The following ITGA1 variants were observed in gnomAD, a reference collection of about 807,000 sequenced individuals.
ITGA1 encodes integrin alpha-1.
In ITGA1, 85 loss-of-function variants were observed where a neutral mutation model predicts 145.9. The observed-to-expected ratio is 0.58, with a 90% confidence interval of 0.49 to 0.70. ITGA1 has a LOEUF of 0.70. ITGA1 is among the 30% of genes least tolerant of loss of function. The pLI is 0.00. For missense variants in ITGA1, 1,351 were observed against 1,418.7 expected (o/e 0.95, Z 0.77); for synonymous variants, 520 against 495.3 (o/e 1.05, Z -0.66).
chr5:52,906,843 A>G (rs1356468370), intron 12 of ITGA1, among the ~76,000 whole-genome samples: 1 of 152,094 alleles, frequency 6.6e-6, no homozygotes, highest in Non-Finnish European at 1.5e-5. Flanking sequence ...GCAGCAGTAA[A>G]GCTCAGGTGC....
chr5:52,919,269 C>A (rs867527127), intron 16 of ITGA1, among the ~76,000 whole-genome samples: 1 of 152,146 alleles, frequency 6.6e-6, no homozygotes, highest in Non-Finnish European at 1.5e-5. Flanking sequence ...TACCATGACT[C>A]TTCTCTCCCT....
chr5:52,939,238 T>C (rs1392534480), intron 24 of ITGA1, among the ~76,000 whole-genome samples: 15 of 151,716 alleles, frequency 9.9e-5, no homozygotes, highest in African/African-American at 3.4e-4. Context: ...TTTAAATGCT[T>C]TTCTCTCTCT....
chr5:52,823,829 A>C (rs1399402513), intron 1 of ITGA1, among the ~76,000 whole-genome samples: 1 of 152,232 alleles, frequency 6.6e-6, no homozygotes, highest in African/African-American at 2.4e-5. Flanking sequence ...ATTTCTTTTC[A>C]ACTTCCTCTA....
chr5:52,913,052 A>G (rs1750592605), intron 14 of ITGA1, among the ~76,000 whole-genome samples: 1 of 151,788 alleles, frequency 6.6e-6, no homozygotes, highest in African/African-American at 2.4e-5. Context: ...GGCCGTAATT[A>G]CTTTATATTT....
intron 23 of ITGA1, among the ~76,000 whole-genome samples, chr5:52,935,774 C>CT (rs1750956907): frequency 6.6e-6 from 1 of 152,094 alleles, no homozygotes; most frequent in Non-Finnish European, 1.5e-5. Flanking sequence ...GGGTACAAAA[C>CT]TGTATTTTAT....
chr5:52,898,166 T>G, intron 10 of ITGA1, 73 bp from the exon 11 acceptor site: 1 of 966,638 alleles, frequency 1.0e-6, no homozygotes, highest in Non-Finnish European at 1.5e-6. Flanking sequence ...CCTATACACA[T>G]TGTTAATGGT....
At chr5:52,873,881 C>T (rs951345899) in intron 6 of ITGA1, among the ~76,000 whole-genome samples, 3 of 152,100 alleles carry the variant, frequency 2.0e-5, no homozygotes, top group African/African-American at 7.2e-5. Context: ...AGAAACTTAG[C>T]TTATGCTGGG....
At chr5:52,832,312 C>T (rs1459972912) in intron 1 of ITGA1, among the ~76,000 whole-genome samples, 1 of 152,148 alleles carries the variant, frequency 6.6e-6, no homozygotes, top group Non-Finnish European at 1.5e-5. Flanking sequence ...AACTAGATGG[C>T]TCATTCAGAT....
intron 18 of ITGA1, among the ~76,000 whole-genome samples, chr5:52,923,193 A>T (rs564653523): frequency 6.6e-6 from 1 of 152,176 alleles, no homozygotes; most frequent in Non-Finnish European, 1.5e-5. Flanking sequence ...GCTCATAAAC[A>T]TGCTTCCTTA....
At chr5:52,830,201 T>A (rs1363140318) in intron 1 of ITGA1, among the ~76,000 whole-genome samples, 1 of 152,180 alleles carries the variant, frequency 6.6e-6, no homozygotes, top group African/African-American at 2.4e-5. Flanking sequence ...TTCAGAACAC[T>A]AAAAGCTTAG....
chr5:52,866,107 C>G (rs1481842417), intron 6 of ITGA1, among the ~76,000 whole-genome samples: 2 of 152,058 alleles, frequency 1.3e-5, no homozygotes, highest in African/African-American at 4.8e-5. Flanking sequence ...CTTCACCTCC[C>G]AGGCTCAAGC....
At chr5:52,911,102 GTA>G (rs1750514318) in intron 14 of ITGA1, among the ~76,000 whole-genome samples, 1 of 129,190 alleles carries the variant, frequency 7.7e-6, no homozygotes, top group African/African-American at 3.0e-5. Context: ...TATATATAGT[GTA>G]TATATAGTAT....
chr5:52,882,033 A>G lies in ITGA1; in HGVS notation c.773+12A>G. The G allele has an allele frequency of 6.5e-7, 1 of 1,550,228 alleles. No homozygotes were observed. Among genetic ancestry groups the G allele is most frequent in the Non-Finnish European group, 8.7e-7 (1 of 1,146,976 alleles). ...ATAGACACAGCAAGGTATATGGATAAAAAAATAAACTAAAGTAAAAGACTG... is the reference window on the plus strand; with the variant it reads ...ATAGACACAGCAAGGTATATGGATAGAAAAATAAACTAAAGTAAAAGACTG... On this transcript the variant is annotated intron_variant, in intron 7 of 28. Coordinates refer to ENST00000282588, the MANE Select transcript of ITGA1 (RefSeq NM_181501.2).
chr5:52,829,706 A>G (rs1749029397), intron 1 of ITGA1, among the ~76,000 whole-genome samples: 1 of 152,182 alleles, frequency 6.6e-6, no homozygotes, highest in African/African-American at 2.4e-5. Flanking sequence ...ATTAAAAAGC[A>G]TATTTTTAGT....
At chr5:52,904,027 A>T (rs1256600626) in intron 11 of ITGA1, 1 of 152,506 alleles carries the variant, frequency 6.6e-6, no homozygotes, top group African/African-American at 2.4e-5. Context: ...AGGGTTATGT[A>T]TATCTGAAAA....
At chr5:52,923,541 C>T (rs1750760902) in intron 18 of ITGA1, among the ~76,000 whole-genome samples, 1 of 152,136 alleles carries the variant, frequency 6.6e-6, no homozygotes, top group Non-Finnish European at 1.5e-5. Context: ...ACTTTCTCAG[C>T]CATATCTCCA....
intron 1 of ITGA1, among the ~76,000 whole-genome samples, chr5:52,827,718 T>C (rs1748991609): frequency 6.6e-6 from 1 of 152,192 alleles, no homozygotes; most frequent in Admixed American, 6.5e-5. Flanking sequence ...ACCATCACCA[T>C]TGAGGCAAAC....
intron 15 of ITGA1, among the ~76,000 whole-genome samples, chr5:52,917,818 A>G (rs780405340): frequency 6.6e-6 from 1 of 152,168 alleles, no homozygotes; most frequent in African/African-American, 2.4e-5. Flanking sequence ...TGTTTTCTTT[A>G]TGCATTTCTA....
chr5:52,897,976 A>G (rs2111830135), intron 10 of ITGA1, among the ~76,000 whole-genome samples: 1 of 152,272 alleles, frequency 6.6e-6, no homozygotes, highest in Non-Finnish European at 1.5e-5. Context: ...AAAAGGCATA[A>G]TGGTCCTTGC....
Sources: allele counts gnomAD v4.1 joint callset (sites outside exome capture counted in the v4.1 genomes callset), GRCh38; gene constraint gnomAD v4.1.1; transcripts MANE v1.5; gene names NCBI Gene and HGNC (gene_info 2026-07-23, HGNC 2026-07-21).